The following SORCS3 variants were observed in gnomAD, a reference collection of about 807,000 sequenced individuals.
SORCS3 encodes the protein VPS10 domain-containing receptor SorCS3.
A neutral mutation model predicts 146.3 loss-of-function variants in SORCS3; 57 were observed. The ratio of observed to expected loss-of-function variants is 0.39; its 90% CI spans 0.31 to 0.49. SORCS3 has a LOEUF of 0.49. SORCS3 is among the 20% of genes least tolerant of loss of function. The pLI is 0.92. For synonymous variants in SORCS3, 653 were observed against 618.5 expected (o/e 1.06, Z -0.83); for missense variants, 1,341 against 1,575.5 (o/e 0.85, Z 2.52).
chr10:104,820,921 ATGG>A (rs2017865308), intron 1 of SORCS3, among the ~76,000 whole-genome samples: 1 of 152,206 alleles, frequency 6.6e-6, no homozygotes, highest in African/African-American at 2.4e-5. Context: ...TGAGGCTTAA[ATGG>A]TGGGAGAAGT....
chr10:104,708,430 G>A (rs921561324), intron 1 of SORCS3, among the ~76,000 whole-genome samples: 1 of 152,170 alleles, frequency 6.6e-6, no homozygotes, highest in Non-Finnish European at 1.5e-5. Flanking sequence ...ACCCAGACTA[G>A]CAAGGTAAGT....
intron 1 of SORCS3, among the ~76,000 whole-genome samples, chr10:104,670,824 C>T (rs942618166): frequency 2.0e-5 from 3 of 152,080 alleles, no homozygotes; most frequent in African/African-American, 7.2e-5. Context: ...TGGGGTTTGT[C>T]CATTTATGTC....
At chr10:104,928,774 G>A (rs1589553076) in intron 3 of SORCS3, among the ~76,000 whole-genome samples, 1 of 152,252 alleles carries the variant, frequency 6.6e-6, no homozygotes, top group African/African-American at 2.4e-5. Flanking sequence ...GGTCTGAGCT[G>A]GCAGGGAAGT....
intron 4 of SORCS3, among the ~76,000 whole-genome samples, chr10:104,993,826 A>T (rs2055008520): frequency 6.6e-6 from 1 of 152,228 alleles, no homozygotes; most frequent in Non-Finnish European, 1.5e-5. Context: ...TCTCCATTAT[A>T]GGTATCATGA....
intron 2 of SORCS3, among the ~76,000 whole-genome samples, chr10:104,894,883 C>T (rs756858037): frequency 5.9e-5 from 9 of 152,134 alleles, no homozygotes; most frequent in Admixed American, 5.2e-4. Context: ...GAAATGGCAA[C>T]GGTTCATTGC....
intron 7 of SORCS3, among the ~76,000 whole-genome samples, chr10:105,110,528 T>C (rs1004021489): frequency 6.6e-6 from 1 of 152,138 alleles, no homozygotes; most frequent in Admixed American, 6.6e-5. Context: ...TTGAGGAGGT[T>C]CATTTTAGCA....
At chr10:104,911,440 A>C (rs1461154756) in intron 2 of SORCS3, among the ~76,000 whole-genome samples, 1 of 152,236 alleles carries the variant, frequency 6.6e-6, no homozygotes, top group Non-Finnish European at 1.5e-5. Context: ...TCTGTCATGC[A>C]GCTTGTGAAA....
At chr10:105,195,557 A>G (rs918589211) in intron 14 of SORCS3, among the ~76,000 whole-genome samples, 1 of 152,208 alleles carries the variant, frequency 6.6e-6, no homozygotes, top group African/African-American at 2.4e-5. Flanking sequence ...TTATTTTGCT[A>G]TGTTTCTGTC....
chr10:104,651,533 T>TAAAAAAAAAAAA (rs34352025), intron 1 of SORCS3, among the ~76,000 whole-genome samples: 13 of 112,656 alleles, frequency 1.2e-4, no homozygotes, highest in East Asian at 2.5e-4. Flanking sequence ...CGGGCTCTAC[T>TAAAAAAAAAAAA]AAAAAAAAAA....
At chr10:105,249,236 A>T (rs2056884885) in intron 22 of SORCS3, among the ~76,000 whole-genome samples, 1 of 152,204 alleles carries the variant, frequency 6.6e-6, no homozygotes, top group Admixed American at 6.5e-5. Flanking sequence ...TAGTGATTTG[A>T]CTTTTAATGT....
intron 6 of SORCS3, among the ~76,000 whole-genome samples, chr10:105,092,446 T>C (rs1430663566): frequency 6.6e-6 from 1 of 152,186 alleles, no homozygotes; most frequent in Non-Finnish European, 1.5e-5. Context: ...AAATAATGCT[T>C]TTTCAATCTA....
intron 25 of SORCS3, 138 bp downstream of exon 25, chr10:105,257,062 A>G: frequency 1.5e-6 from 1 of 682,580 alleles, no homozygotes; most frequent in Non-Finnish European, 2.6e-6. Flanking sequence ...AATGGGTAAA[A>G]GCAAGAATGG....
At chr10:105,133,907 A>G (rs879552994) in intron 7 of SORCS3, among the ~76,000 whole-genome samples, 3 of 152,198 alleles carry the variant, frequency 2.0e-5, no homozygotes, top group Non-Finnish European at 2.9e-5. Flanking sequence ...TCAGTGAACC[A>G]TGATTGTACC....
At chr10:105,211,366 C>A (rs2056632782) in intron 17 of SORCS3, 116 bp downstream of exon 17, 2 of 723,816 alleles carry the variant, frequency 2.8e-6, no homozygotes, top group South Asian at 1.6e-5. Flanking sequence ...CTGTTTATAA[C>A]AAATGGCATT....
chr10:104,959,005 T>A (rs2054773384), intron 3 of SORCS3, among the ~76,000 whole-genome samples: 2 of 152,030 alleles, frequency 1.3e-5, no homozygotes, highest in South Asian at 4.1e-4. Flanking sequence ...GGATTACAAT[T>A]TGAGATGAGA....
chr10:105,251,110 C>G (rs767697424), intron 22 of SORCS3, among the ~76,000 whole-genome samples: 2 of 152,112 alleles, frequency 1.3e-5, no homozygotes, highest in African/African-American at 4.8e-5. Context: ...CTTGTATACC[C>G]GAAACTGGGT....
intron 1 of SORCS3, among the ~76,000 whole-genome samples, chr10:104,662,713 G>A (rs757738214): frequency 9.2e-5 from 14 of 152,226 alleles, no homozygotes; most frequent in Non-Finnish European, 1.8e-4. Flanking sequence ...AAGCTCTGGT[G>A]TTTCCAGGCA....
At chr10:104,736,825 C>CA (rs1236132316) in intron 1 of SORCS3, among the ~76,000 whole-genome samples, 2 of 150,884 alleles carry the variant, frequency 1.3e-5, no homozygotes, top group African/African-American at 2.4e-5. Context: ...TACATGTGCA[C>CA]AATGTGCAGG....
intron 5 of SORCS3, among the ~76,000 whole-genome samples, chr10:105,060,514 G>A (rs2055478548): frequency 6.6e-6 from 1 of 152,072 alleles, no homozygotes; most frequent in Admixed American, 6.6e-5. Flanking sequence ...GCAGGGTGAA[G>A]GGCAAATTAC....
Sources: gnomAD v4.1 joint callset for allele counts (sites outside exome capture counted in the v4.1 genomes callset) on GRCh38, gnomAD v4.1.1 for gene constraint, MANE v1.5 for transcripts, NCBI Gene and HGNC (gene_info 2026-07-23, HGNC 2026-07-21) for gene names.